BCAS3: variants seen among roughly 807,000 people sequenced by gnomAD.
BCAS3 encodes BCAS3 microtubule associated cell migration factor.
BCAS3 carries 53 observed loss-of-function variants against 116.1 expected under a neutral mutation model. The observed-to-expected ratio is 0.46, with a 90% CI of 0.37 to 0.57. The LOEUF (loss-of-function observed/expected upper bound fraction) is 0.57, where lower values mean the gene tolerates loss of function less well. Ranked by LOEUF, BCAS3 falls within the 20% of genes least tolerant of loss-of-function variation. BCAS3 has a pLI of 0.00. For synonymous variants in BCAS3, 391 were observed against 408.2 expected, an observed-to-expected ratio of 0.96 and a Z score of 0.51; for missense variants, 917 against 1,165.4, an observed-to-expected ratio of 0.79 and a Z score of 3.10.
chr17:61,367,008 A>C lies in BCAS3; in HGVS notation c.2426-1319A>C, dbSNP rs1304295218. Among the ~76,000 whole-genome samples, 3 of 152,216 alleles carry C rather than the reference A, an allele frequency of 2.0e-5. No individual in the cohort carries two copies. The East Asian group carries it at 5.8e-4, about 29-fold the overall frequency. On this transcript the variant is annotated intron_variant, in intron 22 of 23. Transcript: ENST00000407086. This position sits in a 1 kb window ranked among gnomAD's most constrained non-coding sequence, Gnocchi z 6.2. ...ACCTCAATGCTGTGGCCATTATCAGAGGCAGGACCGCCTGCCGAGGCTGGG... is the reference window on the plus strand; with the variant it reads ...ACCTCAATGCTGTGGCCATTATCAGCGGCAGGACCGCCTGCCGAGGCTGGG...
chr17:60,948,165 C>T (rs1054830876), intron 14 of BCAS3, among the ~76,000 whole-genome samples: 2 of 151,658 alleles, frequency 1.3e-5, no homozygotes, highest in Non-Finnish European at 2.9e-5. Flanking sequence ...AGTGCAGTGG[C>T]GCTGCGATCT....
intron 5 of BCAS3, among the ~76,000 whole-genome samples, chr17:60,712,658 G>A (rs377758218): frequency 6.6e-6 from 1 of 152,118 alleles, no homozygotes; most frequent in Admixed American, 6.6e-5. Context: ...TGTAGTTAAG[G>A]TTTAGTTTTT....
chr17:60,797,004 C>G lies in BCAS3; in HGVS notation c.404-11000C>G, dbSNP rs144994504. ...CACTGCAACAGGTTCAAGCGATTCT[C>G]CTGCTTCAGCCTCCTGAGTAGCTGG... is the stretch of plus-strand genomic sequence containing the variant. On this transcript the variant is annotated intron_variant, in intron 6 of 23. Coordinates refer to ENST00000407086, the MANE Select transcript of BCAS3 (RefSeq NM_017679.5). Among the ~76,000 whole-genome samples the G allele has an allele frequency of 5.5e-3, 833 of 152,278 alleles. 8 individuals carry two copies. Among genetic ancestry groups the G allele is most frequent in the South Asian group, 0.022 (107 of 4,818 alleles).
rs548284183 is a variant in BCAS3, at chr17:60,781,278, CT to C, written c.404-26716del. Among the ~76,000 whole-genome samples, 389 of 146,174 alleles carry C rather than the reference CT, an allele frequency of 2.7e-3. 7 individuals carry two copies. Among genetic ancestry groups the C allele is most frequent in the East Asian group, 0.017 (84 of 5,024 alleles). ...AGCCGCTACGCCCAGCTTTTTTTTCCTTTTTTTTTTGCCATCTTTCTCAAAG... is the reference window on the plus strand; with the variant it reads ...AGCCGCTACGCCCAGCTTTTTTTTCCTTTTTTTTTGCCATCTTTCTCAAAG... On this transcript the variant is annotated intron_variant, in intron 6 of 23. Transcript: ENST00000407086.
At chr17:60,791,751 G>A (rs1209706624) in intron 6 of BCAS3, among the ~76,000 whole-genome samples, 11 of 152,246 alleles carry the variant, frequency 7.2e-5, no homozygotes, top group South Asian at 2.1e-4. Flanking sequence ...TCCTAAACCC[G>A]TAAGAGTTAA....
chr17:61,083,215 G>A lies in BCAS3; in HGVS notation c.2328-1252G>A, dbSNP rs2072782540. Reference sequence around the variant, plus strand: ...CAGCTCTGCAAGATCTCTAACTGATGTGGACCCTGCATGTATTCCCCCATC... The same window carrying A: ...CAGCTCTGCAAGATCTCTAACTGATATGGACCCTGCATGTATTCCCCCATC... On this transcript the variant is annotated intron_variant, in intron 21 of 23. Coordinates refer to ENST00000407086, the MANE Select transcript of BCAS3 (RefSeq NM_017679.5). The surrounding 1 kb of genome is among the most constrained non-coding windows in gnomAD (Gnocchi z 4.9). Among the ~76,000 whole-genome samples, 1 of 152,174 alleles carries A rather than the reference G, an allele frequency of 6.6e-6. No individual in the cohort carries two copies. The highest frequency in any genetic ancestry group is 2.1e-4 in the South Asian group (1 of 4,826).
rs1350274023 is a variant in BCAS3, at chr17:61,259,650, A to G, written c.2426-108677A>G. On this transcript the variant is annotated intron_variant, in intron 22 of 23. Transcript: ENST00000407086. The surrounding 1 kb of genome is among the most constrained non-coding windows in gnomAD (Gnocchi z 4.7). The stretch of plus-strand genomic sequence containing the variant: ...GTTGTTCTTTTTTTCCCCTTCCATC[A>G]ACCTACTTTCAAGAAGAGGCTCATG... 6.6e-6 allele frequency among the ~76,000 whole-genome samples: 1 copy of G among 152,090 alleles called. No homozygotes were observed. Among genetic ancestry groups the G allele is most frequent in the African/African-American group, 2.4e-5 (1 of 41,404 alleles).
chr17:61,100,256 C>G (rs572678674), intron 22 of BCAS3, among the ~76,000 whole-genome samples: 1 of 152,234 alleles, frequency 6.6e-6, no homozygotes, highest in Admixed American at 6.5e-5. Context: ...TTCTCTCTAC[C>G]TAAAGAGGAA....
intron 13 of BCAS3, among the ~76,000 whole-genome samples, chr17:60,927,463 G>T (rs984691353): frequency 6.6e-6 from 1 of 152,082 alleles, no homozygotes; most frequent in Admixed American, 6.6e-5. Flanking sequence ...CACCATGTTG[G>T]CTAGTGTGGT....
At chr17:61,201,504 A>G (rs777835455) in intron 22 of BCAS3, among the ~76,000 whole-genome samples, 36 of 152,120 alleles carry the variant, frequency 2.4e-4, no homozygotes, top group Non-Finnish European at 4.0e-4. Flanking sequence ...ATGTTCATTT[A>G]TTTTGGGGGA....
At chr17:60,729,972 A>G (rs962796951) in intron 5 of BCAS3, among the ~76,000 whole-genome samples, 2 of 152,210 alleles carry the variant, frequency 1.3e-5, no homozygotes, top group Non-Finnish European at 2.9e-5. Flanking sequence ...GTGGTTTTAC[A>G]TTAACATCTA....
rs2068003623 is a variant in BCAS3 at position 61,045,823 on chromosome 17, T to TC, written c.2029+4931_2029+4932insC. Among the ~76,000 whole-genome samples, 7 of 34,628 alleles carry TC rather than the reference T, an allele frequency of 2.0e-4. No individual in the cohort carries two copies. In the Admixed American group the frequency reaches 2.1e-3, roughly 10 times the overall value. 22.7% of individuals were successfully genotyped at this position (34,628 alleles called of 152,430 possible). A position where few individuals can be genotyped will look rare whatever the true frequency, so the allele number is the denominator to read the frequency against. On this transcript the variant is annotated intron_variant, in intron 19 of 23. Transcript: ENST00000407086. ...AGAGTGAGTGAGACTTCATCTCTCT[T>TC]TCTCTCTCTCTCTCTCTCTCTCTCT...
intron 2 of BCAS3, among the ~76,000 whole-genome samples, chr17:60,681,847 A>G (rs979847175): frequency 1.1e-4 from 17 of 152,224 alleles, no homozygotes; most frequent in African/African-American, 3.1e-4. Flanking sequence ...CTCCTGCCTC[A>G]GCCTCCCGAT....
chr17:60,932,733 C>T (rs1599776664), intron 13 of BCAS3, among the ~76,000 whole-genome samples: 1 of 109,630 alleles, frequency 9.1e-6, no homozygotes, highest in South Asian at 3.1e-4. Context: ...CAGAGCGAGA[C>T]TCTTGTCTCA....
intron 22 of BCAS3, among the ~76,000 whole-genome samples, chr17:61,250,128 G>A (rs1031116510): frequency 1.3e-5 from 2 of 152,140 alleles, no homozygotes; most frequent in African/African-American, 4.8e-5. Context: ...CATACCCTGG[G>A]CCCAGTAGAG....
At chr17:61,025,584 G>A (rs777366525) in intron 16 of BCAS3, among the ~76,000 whole-genome samples, 7 of 152,036 alleles carry the variant, frequency 4.6e-5, no homozygotes, top group South Asian at 2.1e-4. Flanking sequence ...GTATTTCTAT[G>A]GGTTCACAGT....
intron 13 of BCAS3, among the ~76,000 whole-genome samples, chr17:60,934,459 TA>T: frequency 6.6e-6 from 1 of 152,210 alleles, no homozygotes; most frequent in East Asian, 1.9e-4. Context: ...TACAATAATA[TA>T]AACATAGTAT....
Position 61,226,652 on chromosome 17 carries a change from CAT to C in BCAS3, c.2426-141674_2426-141673del, listed in dbSNP as rs769960239. ...TCAGATGCAAAATAGCTCCAGTACT[CAT>C]GTGTATTTTCTGTATTTTTTCCTTT... On this transcript the variant is annotated intron_variant, in intron 22 of 23. Transcript: ENST00000407086. The surrounding 1 kb of genome is among the most constrained non-coding windows in gnomAD (Gnocchi z 6.0). Among the ~76,000 whole-genome samples the C allele has an allele frequency of 6.6e-6, 1 of 152,138 alleles. No homozygotes were observed. Among genetic ancestry groups the C allele is most frequent in the Non-Finnish European group, 1.5e-5 (1 of 68,002 alleles).
At chr17:60,865,974 T>C (rs2054558712) in intron 7 of BCAS3, among the ~76,000 whole-genome samples, 1 of 152,184 alleles carries the variant, frequency 6.6e-6, no homozygotes, top group Non-Finnish European at 1.5e-5. Context: ...TTCCTAAAAA[T>C]GCCATATCTG....
Sources: allele counts gnomAD v4.1 joint callset (sites outside exome capture counted in the v4.1 genomes callset), GRCh38; gene constraint gnomAD v4.1.1; non-coding constraint Gnocchi (gnomAD v3.1); transcripts MANE v1.5; gene names NCBI Gene and HGNC (gene_info 2026-07-23, HGNC 2026-07-21).